Variants in ERN1 observed in about 807,000 individuals in gnomAD.
The protein encoded by ERN1 is endoplasmic reticulum to nucleus signaling 1.
In ERN1, 39 loss-of-function variants were observed where a neutral mutation model predicts 113.1. The observed-to-expected ratio is 0.34, with a 90% CI of 0.27 to 0.45. The LOEUF (loss-of-function observed/expected upper bound fraction) is 0.45. Ranked by LOEUF, ERN1 falls within the 20% of genes least tolerant of loss-of-function variation. ERN1 has a pLI of 1.00. For synonymous variants in ERN1, 507 were observed against 515.9 expected (o/e 0.98, Z 0.23); for missense variants, 976 against 1,274.8 (o/e 0.77, Z 3.57).
At position 64,043,890 on chromosome 17, in the gene ERN1, C is replaced by G; in HGVS notation, c.*98G>C. The G allele has an allele frequency of 1.2e-6, 1 of 842,304 alleles. No homozygotes were observed. The highest frequency in any genetic ancestry group is 1.7e-5 in the South Asian group (1 of 59,690). 52.2% of individuals were successfully genotyped at this position (842,304 alleles called of 1,614,324 possible). A position where few individuals can be genotyped will look rare whatever the true frequency, so the allele number is the denominator to read the frequency against. ...GCTCAAGGCACTTGGTTTGGGAAGCCTGGTCTCCCTGCAAAGCCGGGAGGC... is the reference window on the plus strand; with the variant it reads ...GCTCAAGGCACTTGGTTTGGGAAGCGTGGTCTCCCTGCAAAGCCGGGAGGC... On this transcript the variant is annotated 3_prime_UTR_variant, in exon 22 of 22. Coordinates refer to ENST00000433197, the MANE Select transcript of ERN1 (RefSeq NM_001433.5).
chr17:64,051,747 TAAAACCCAGTAGGTATC>T (rs529863864), intron 17 of ERN1, among the ~76,000 whole-genome samples: 67 of 152,328 alleles, frequency 4.4e-4, no homozygotes, highest in African/African-American at 1.4e-3. Context: ...TCCTGGTATA[TAAAACCCAGTAGGTATC>T]AAAACCCAGT....
Position 64,044,050 on chromosome 17 carries a change from G to A in ERN1, c.2872C>T (p.Gln958Ter). 6.2e-7 allele frequency: 1 copy of A among 1,613,718 alleles called. No individual in the cohort carries two copies. Among genetic ancestry groups the A allele is most frequent in the Non-Finnish European group, 8.5e-7 (1 of 1,179,798 alleles). Residue 958 changes from glutamine (Q) to a stop codon, truncating the protein, a stop_gained, in exon 22 of 22, where the codon CAG becomes TAG. Transcript: ENST00000433197. LOFTEE classifies it high-confidence loss of function. The surrounding 1 kb of genome is among the most constrained non-coding windows in gnomAD (Gnocchi z 4.1). ...MELCSHERLF[Q>*]PYYFHEPPEP... ...GGGGGCTCGTGGAAGTAGTAGGGCTGGAAGAGTCTCTCGTGGCTGCACAGC... is the reference window on the plus strand; with the variant it reads ...GGGGGCTCGTGGAAGTAGTAGGGCTAGAAGAGTCTCTCGTGGCTGCACAGC...
At chr17:64,077,105 G>A (rs566934279) in intron 4 of ERN1, among the ~76,000 whole-genome samples, 8 of 152,274 alleles carry the variant, frequency 5.3e-5, no homozygotes, top group South Asian at 2.1e-4. Context: ...AGAAACCAAC[G>A]GAGAGCAGTG....
chr17:64,094,621 C>T (rs1179307265), intron 2 of ERN1, among the ~76,000 whole-genome samples: 2 of 150,962 alleles, frequency 1.3e-5, no homozygotes, highest in Non-Finnish European at 2.9e-5. Flanking sequence ...ACACTCCCAT[C>T]CTTTCTTTTT....
intron 1 of ERN1, among the ~76,000 whole-genome samples, chr17:64,128,525 T>C (rs1013606719): frequency 2.0e-4 from 30 of 152,152 alleles, no homozygotes; most frequent in African/African-American, 7.2e-4. Context: ...AGTGACAAAG[T>C]AGCAAAAGGA....
intron 1 of ERN1, among the ~76,000 whole-genome samples, chr17:64,102,427 T>C (rs60418004): frequency 0.039 from 5,922 of 152,300 alleles, 389 homozygotes; most frequent in African/African-American, 0.13. Context: ...CCACAAACTA[T>C]TACAACTGGC....
chr17:64,112,103 C>CA (rs1477337230), intron 1 of ERN1, among the ~76,000 whole-genome samples: 1 of 152,178 alleles, frequency 6.6e-6, no homozygotes, highest in African/African-American at 2.4e-5. Flanking sequence ...AGCAGTGGCT[C>CA]ATGCCTGTAA....
chr17:64,047,231 G>A (rs1300491349), intron 19 of ERN1, among the ~76,000 whole-genome samples: 1 of 152,108 alleles, frequency 6.6e-6, no homozygotes, highest in African/African-American at 2.4e-5. Context: ...GCGTGGTGGT[G>A]CATATCTGTA....
Position 64,060,515 on chromosome 17 carries a change from C to T in ERN1, c.1160G>A (p.Arg387Gln), listed in dbSNP as rs185298285. ...TGAATCAGCAGGAATCACATTTTCC[C>T]GATGTTTGGGTAGATTGTTGGGAAA... ...ERFPNNLPKHRENVIPADSEK... is the reference protein window; with the variant it reads ...ERFPNNLPKHQENVIPADSEK... The change falls in exon 11 of 22, where the codon CGG becomes CAG. Residue 387 changes from arginine to glutamine, a missense_variant. Physicochemically the swap from Arg to Gln is conservative, Grantham distance 43. This residue lies in a region of ERN1 where 459 missense variants were observed against 581.2 expected (regional missense o/e 0.79). Transcript: ENST00000433197. 2.0e-5 allele frequency: 33 copies of T among 1,613,956 alleles called. No homozygotes were observed. Among genetic ancestry groups the T allele is most frequent in the Middle Eastern group, 1.6e-4 (1 of 6,062 alleles).
chr17:64,089,211 C>A (rs1465543089), intron 2 of ERN1, among the ~76,000 whole-genome samples: 1 of 148,746 alleles, frequency 6.7e-6, no homozygotes, highest in Non-Finnish European at 1.5e-5. Flanking sequence ...CCCAGCTACT[C>A]AGGAGGCTGA....
At position 64,057,900 on chromosome 17, in the gene ERN1, C is replaced by T. The variant is rs752871581; in HGVS notation, c.1300G>A (p.Glu434Lys). Reference sequence around the variant, plus strand: ...TTAAGCATGGAGTCCACGGGGGCCTCGGGCCGGGCAGGGGCATGGGCGGGC... The same window carrying T: ...TTAAGCATGGAGTCCACGGGGGCCTTGGGCCGGGCAGGGGCATGGGCGGGC... ...EKPAHAPARPEAPVDSMLKDM... is the reference protein window; with the variant it reads ...EKPAHAPARPKAPVDSMLKDM... Residue 434 changes from glutamate (E) to lysine (K), a missense_variant, in exon 12 of 22, where the codon GAG becomes AAG. Physicochemically the swap from Glu to Lys is moderately conservative, Grantham distance 56. Around this residue, in one of 5 missense-constraint regions of ERN1, gnomAD observed 459 missense variants for 581.2 expected, o/e 0.79. Coordinates refer to ENST00000433197, the MANE Select transcript of ERN1 (RefSeq NM_001433.5). The T allele has an allele frequency of 1.5e-5, 25 of 1,613,216 alleles. No individual in the cohort carries two copies. The highest frequency in any genetic ancestry group is 2.7e-5 in the African/African-American group (2 of 74,918).
intron 19 of ERN1, 55 bp from the exon 20 acceptor site, chr17:64,045,537 T>C (rs1352341926): frequency 6.2e-7 from 1 of 1,610,950 alleles, no homozygotes; most frequent in East Asian, 2.2e-5. Context: ...TGCTGAGAGC[T>C]GTGCGACTGG....
intron 9 of ERN1, 65 bp from the exon 10 acceptor site, chr17:64,064,216 C>T: frequency 2.7e-6 from 4 of 1,498,298 alleles, no homozygotes; most frequent in Non-Finnish European, 2.7e-6. Context: ...GGCACACCAT[C>T]CCAGCCACTG....
intron 1 of ERN1, 113 bp from the exon 2 acceptor site, chr17:64,098,354 G>A: frequency 7.4e-7 from 1 of 1,342,938 alleles, no homozygotes; most frequent in South Asian, 1.2e-5. Context: ...CCATTTTACA[G>A]ATGAAGAAAT....
rs943388850 is a variant in ERN1, at chr17:64,044,514, C to T, written c.2722-314G>A. Among the ~76,000 whole-genome samples, 3 of 152,158 alleles carry T rather than the reference C, an allele frequency of 2.0e-5. No individual in the cohort carries two copies. Among genetic ancestry groups the T allele is most frequent in the South Asian group, 2.1e-4 (1 of 4,834 alleles). The stretch of plus-strand genomic sequence containing the variant: ...TAAAGTCGCCTGAGATTGGAGTGTC[C>T]GTCCCAGTGGGGTCCCCGCATTTGA... On this transcript the variant is annotated intron_variant, in intron 21 of 21. Transcript: ENST00000433197. The surrounding 1 kb of genome is among the most constrained non-coding windows in gnomAD (Gnocchi z 4.1).
chr17:64,059,848 A>AT lies in ERN1; in HGVS notation c.1206+620dup, dbSNP rs57472561. On this transcript the variant is annotated intron_variant, in intron 11 of 21. Transcript: ENST00000433197. ...TTCAGATCTCATCACTTCTTCAACA[A>AT]TTTTTTTTTTTTTTTTTTTTTTTTT... Among the ~76,000 whole-genome samples, 796 of 114,534 alleles carry AT rather than the reference A, an allele frequency of 6.9e-3. 9 individuals carry two copies. Among genetic ancestry groups the AT allele is most frequent in the African/African-American group, 0.027 (754 of 28,264 alleles). The allele number at this position is 114,534 out of a possible 152,430, so 75.1% of individuals were successfully genotyped here. A position where few individuals can be genotyped will look rare whatever the true frequency, so the allele number is the denominator to read the frequency against.
Position 64,057,797 on chromosome 17 carries a change from T to C in ERN1, c.1398+5A>G. ...GGATGGCAAAGGGGAATTGTTGAGC[T>C]TTACCAGGGGATAGGTGATGATGAA... On this transcript the variant is annotated splice_donor_5th_base_variant and intron_variant, in intron 12 of 21. Coordinates refer to ENST00000433197, the MANE Select transcript of ERN1 (RefSeq NM_001433.5). 1 of 1,613,090 alleles carries C rather than the reference T, an allele frequency of 6.2e-7. No homozygotes were observed. The highest frequency in any genetic ancestry group is 8.5e-7 in the Non-Finnish European group (1 of 1,179,702).
At position 64,049,270 on chromosome 17, in the gene ERN1, G is replaced by T; in HGVS notation, c.2254-68C>A. Reference sequence around the variant, plus strand: ...TTCATCCTCACTCACAGTCAGGGAGGGAGGAGCATTGCTGCTGCTTCTGCC... The same window carrying T: ...TTCATCCTCACTCACAGTCAGGGAGTGAGGAGCATTGCTGCTGCTTCTGCC... On this transcript the variant is annotated intron_variant, in intron 17 of 21. Coordinates refer to ENST00000433197, the MANE Select transcript of ERN1 (RefSeq NM_001433.5). This position sits in a 1 kb window ranked among gnomAD's most constrained non-coding sequence, Gnocchi z 4.7. 6 of 1,428,012 alleles carry T rather than the reference G, an allele frequency of 4.2e-6. No homozygotes were observed. Among genetic ancestry groups the T allele is most frequent in the Non-Finnish European group, 4.7e-6 (5 of 1,055,912 alleles). The allele number at this position is 1,428,012 out of a possible 1,614,324, so 88.5% of individuals were successfully genotyped here. A position where few individuals can be genotyped will look rare whatever the true frequency, so the allele number is the denominator to read the frequency against.
intron 7 of ERN1, among the ~76,000 whole-genome samples, chr17:64,067,427 CAAAAAA>C (rs5821418): frequency 1.2e-5 from 1 of 83,092 alleles, no homozygotes; most frequent in African/African-American, 4.7e-5. Flanking sequence ...CCCGTCTCTA[CAAAAAA>C]AAAAAAAAAA....
Sources: allele counts gnomAD v4.1 joint callset (sites outside exome capture counted in the v4.1 genomes callset), GRCh38; gene constraint gnomAD v4.1.1; regional missense constraint gnomAD v4.1.1; non-coding constraint Gnocchi (gnomAD v3.1); transcripts MANE v1.5; gene names NCBI Gene and HGNC (gene_info 2026-07-23, HGNC 2026-07-21).